Variants in ROBO2 observed in about 807,000 individuals in gnomAD.
ROBO2 encodes roundabout homolog 2.
ROBO2 carries 53 observed loss-of-function variants against 160.8 expected under a neutral mutation model. The observed-to-expected ratio is 0.33, with a 90% CI of 0.26 to 0.41. ROBO2 has a LOEUF of 0.41. ROBO2 is among the 10% of genes least tolerant of loss of function. The pLI, the probability that ROBO2 is intolerant of heterozygous loss-of-function variation, is 1.00. For synonymous variants in ROBO2, 664 were observed against 611.7 expected (o/e 1.09, Z -1.26); for missense variants, 1,577 against 1,722.4 (o/e 0.92, Z 1.49).
chr3:76,730,058 G>A (rs1243771166), intron 2 of ROBO2, among the ~76,000 whole-genome samples: 1 of 152,082 alleles, frequency 6.6e-6, no homozygotes, highest in African/African-American at 2.4e-5. Flanking sequence ...ATCAACGTTT[G>A]TCTTCACCAT....
At chr3:77,390,178 T>G (rs930946550) in intron 2 of ROBO2, among the ~76,000 whole-genome samples, 1 of 152,156 alleles carries the variant, frequency 6.6e-6, no homozygotes, top group Admixed American at 6.5e-5. Flanking sequence ...ACCACGCAGC[T>G]TAGATTGCAA....
intron 2 of ROBO2, among the ~76,000 whole-genome samples, chr3:76,115,548 A>T (rs184535193): frequency 6.6e-6 from 1 of 152,224 alleles, no homozygotes; most frequent in African/African-American, 2.4e-5. Flanking sequence ...TTAAAAATAG[A>T]TTCTTCCATA....
At chr3:77,283,558 C>G (rs76426651) in intron 2 of ROBO2, among the ~76,000 whole-genome samples, 4,168 of 152,166 alleles carry the variant, frequency 0.027, 134 homozygotes, top group East Asian at 0.11. Context: ...TTAAAATGAT[C>G]AAAGTTACAT....
intron 2 of ROBO2, among the ~76,000 whole-genome samples, chr3:77,345,072 C>G (rs1330775749): frequency 6.6e-6 from 1 of 151,498 alleles, no homozygotes; most frequent in Non-Finnish European, 1.5e-5. Context: ...TTGGGAAACA[C>G]CCTTAAAAAA....
In ROBO2 at chr3:77,075,672, C is replaced by CTTTTTTTTTTTTT. The variant is rs1174587812; in HGVS notation, c.62-22331_62-22319dup. ...ATACACTACTATTTCTTTCTTTCTCCTTTTTTTTTTTTTTTTTTTTTTTGA... is the reference window on the plus strand; with the variant it reads ...ATACACTACTATTTCTTTCTTTCTCCTTTTTTTTTTTTTTTTTTTTTTTTTTTTTTTTTTTTGA... On this transcript the variant is annotated intron_variant, in intron 1 of 25. Coordinates refer to ENST00000461745, the Ensembl canonical transcript of ROBO2. 3.7e-4 allele frequency among the ~76,000 whole-genome samples: 32 copies of CTTTTTTTTTTTTT among 87,252 alleles called. 1 individual carries two copies. Among genetic ancestry groups the CTTTTTTTTTTTTT allele is most frequent in the East Asian group, 8.7e-4 (2 of 2,298 alleles). The allele number at this position is 87,252 out of a possible 152,430, so 57.2% of individuals were successfully genotyped here.
At chr3:77,416,817 T>G (rs1472809365) in intron 2 of ROBO2, among the ~76,000 whole-genome samples, 1 of 152,138 alleles carries the variant, frequency 6.6e-6, no homozygotes, top group Non-Finnish European at 1.5e-5. Context: ...TCATTAAGTT[T>G]TTAAGCAGGG....
At chr3:76,086,406 G>C (rs1452957206) in intron 2 of ROBO2, among the ~76,000 whole-genome samples, 1 of 152,054 alleles carries the variant, frequency 6.6e-6, no homozygotes, top group African/African-American at 2.4e-5. Context: ...TATGAGATTT[G>C]GGTGGGGACA....
chr3:77,507,766 A>G (rs1403900628), intron 5 of ROBO2, among the ~76,000 whole-genome samples: 5 of 152,182 alleles, frequency 3.3e-5, no homozygotes, highest in African/African-American at 1.2e-4. Context: ...TTGTTCCAGT[A>G]GGAACAAATG....
At chr3:76,702,413 CAT>C (rs1457155780) in intron 2 of ROBO2, among the ~76,000 whole-genome samples, 10 of 151,744 alleles carry the variant, frequency 6.6e-5, no homozygotes, top group Admixed American at 4.6e-4. Context: ...GCTGTGAAAA[CAT>C]AGGGGGAAAA....
chr3:76,018,063 G>T (rs2066455444), intron 2 of ROBO2, among the ~76,000 whole-genome samples: 1 of 151,982 alleles, frequency 6.6e-6, no homozygotes, highest in Non-Finnish European at 1.5e-5. Context: ...GAGATGCATA[G>T]GAAAATTCAG....
intron 2 of ROBO2, among the ~76,000 whole-genome samples, chr3:76,474,141 A>G (rs2078811012): frequency 6.6e-6 from 1 of 152,146 alleles, no homozygotes; most frequent in Non-Finnish European, 1.5e-5. Flanking sequence ...TACCAGGTCG[A>G]TTACATGTAA....
intron 2 of ROBO2, among the ~76,000 whole-genome samples, chr3:77,292,144 T>C (rs2061367461): frequency 6.6e-6 from 1 of 150,780 alleles, no homozygotes; most frequent in Non-Finnish European, 1.5e-5. Context: ...AAAGTAAAAT[T>C]GATGGTTAAA....
At chr3:75,952,389 T>C (rs1248991029) in intron 2 of ROBO2, among the ~76,000 whole-genome samples, 1 of 152,010 alleles carries the variant, frequency 6.6e-6, no homozygotes, top group African/African-American at 2.4e-5. Context: ...AAATGTAATC[T>C]AGCAAAGTGG....
At chr3:75,997,496 A>C in intron 2 of ROBO2, among the ~76,000 whole-genome samples, 1 of 46,564 alleles carries the variant, frequency 2.1e-5, no homozygotes, top group African/African-American at 4.9e-5. Flanking sequence ...TTGTTCATCC[A>C]TTCTTTTTTT....
chr3:76,396,017 T>C (rs576102153), intron 2 of ROBO2, among the ~76,000 whole-genome samples: 1 of 151,810 alleles, frequency 6.6e-6, no homozygotes, highest in African/African-American at 2.4e-5. Flanking sequence ...GAGACACAAC[T>C]AAAAAAGAGA....
intron 2 of ROBO2, among the ~76,000 whole-genome samples, chr3:77,034,414 T>G (rs2063508112): frequency 1.3e-5 from 2 of 150,148 alleles, no homozygotes; most frequent in Non-Finnish European, 3.0e-5. Flanking sequence ...CTTCAGGTAC[T>G]CCACAAGTAG....
intron 2 of ROBO2, among the ~76,000 whole-genome samples, chr3:76,189,434 A>G (rs569966601): frequency 2.0e-5 from 3 of 152,230 alleles, no homozygotes; most frequent in Admixed American, 6.5e-5. Flanking sequence ...AGAAATACAG[A>G]AAGTATCATA....
At chr3:77,239,110 C>T (rs139928796) in intron 2 of ROBO2, among the ~76,000 whole-genome samples, 157 of 152,246 alleles carry the variant, frequency 1.0e-3, no homozygotes, top group African/African-American at 3.5e-3. Context: ...TTCTTGGTCT[C>T]GCTGACTTCA....
chr3:76,974,686 G>T lies in ROBO2; in HGVS notation c.110-123328G>T, dbSNP rs114356391. 8.7e-3 allele frequency among the ~76,000 whole-genome samples: 1,318 copies of T among 152,264 alleles called. 18 individuals are homozygous for T. Among genetic ancestry groups the T allele is most frequent in the African/African-American group, 0.03 (1,249 of 41,540 alleles). ...GCTGACCTTCATTGTAGACTTAAGTGTCTAAATACCTACAAAATTTGTTGC... is the reference window on the plus strand; with the variant it reads ...GCTGACCTTCATTGTAGACTTAAGTTTCTAAATACCTACAAAATTTGTTGC... On this transcript the variant is annotated intron_variant, in intron 2 of 26. Transcript: ENST00000487694.
Sources: gnomAD v4.1 joint callset for allele counts (sites outside exome capture counted in the v4.1 genomes callset) on GRCh38, gnomAD v4.1.1 for gene constraint, MANE v1.5 for transcripts, NCBI Gene and HGNC (gene_info 2026-07-23, HGNC 2026-07-21) for gene names.